Variants in HYOU1 observed in about 807,000 individuals in gnomAD.
The protein encoded by HYOU1 is hypoxia up-regulated protein 1.
HYOU1 carries 40 observed loss-of-function variants against 120.5 expected under a neutral mutation model. The ratio of observed to expected loss-of-function variants is 0.33; its 90% confidence interval spans 0.26 to 0.43. The LOEUF (loss-of-function observed/expected upper bound fraction) is 0.43. Among genes scored for constraint, HYOU1 ranks in the 20% least tolerant of loss-of-function variants. The probability of loss-of-function intolerance (pLI) is 1.00; values close to 1 mark genes in which losing one functional copy is unlikely to be tolerated. For missense variants in HYOU1, 1,085 were observed against 1,278.3 expected, an observed-to-expected ratio of 0.85 and a Z score of 2.31; for synonymous variants, 501 against 479.4, an observed-to-expected ratio of 1.05 and a Z score of -0.59.
At chr11:119,054,733 A>G (rs1276064597) in intron 6 of HYOU1, 58 bp from the exon 7 acceptor site, 3 of 1,524,290 alleles carry the variant, frequency 2.0e-6, no homozygotes, top group Non-Finnish European at 2.7e-6. Context: ...GAGGGCTTCT[A>G]ATCTGGTCAC....
At chr11:119,056,276 TAC>T (rs1944756127) in intron 1 of HYOU1, 109 bp from the exon 2 acceptor site, 1 of 801,198 alleles carries the variant, frequency 1.2e-6, no homozygotes, top group Admixed American at 2.0e-5. Context: ...ACTTCATTCT[TAC>T]CCAGGGCAGA....
In HYOU1 at chr11:119,044,831, C is replaced by A; in HGVS notation, c.*762G>T. ...CTTGCACGATGCTGGCACCCCATGC[C>A]AACCACTCTACGTGGCTTTCCTCTT... On this transcript the variant is annotated 3_prime_UTR_variant, in exon 26 of 26. Transcript: ENST00000617285. 8.0e-6 allele frequency: 2 copies of A among 249,580 alleles called. No individual in the cohort carries two copies. The highest frequency in any genetic ancestry group is 4.2e-5 in the Admixed American group (1 of 24,064). The allele number at this position is 249,580 out of a possible 1,614,324, so 15.5% of individuals were successfully genotyped here. A position where few individuals can be genotyped will look rare whatever the true frequency, so the allele number is the denominator to read the frequency against.
chr11:119,054,731 C>G, intron 6 of HYOU1, 56 bp from the exon 7 acceptor site: 1 of 1,536,212 alleles, frequency 6.5e-7, no homozygotes, highest in Non-Finnish European at 8.9e-7. Context: ...ATGAGGGCTT[C>G]TAATCTGGTC....
In HYOU1 at chr11:119,044,781, T is replaced by C; in HGVS notation, c.*812A>G. On this transcript the variant is annotated 3_prime_UTR_variant, in exon 26 of 26. Transcript: ENST00000617285. ...ACAGGAACCTGGGGTACCAGGCTGC[T>C]GGGAAGATGCAGATTATGACAGAGC... is the stretch of plus-strand genomic sequence containing the variant. 1 of 206,696 alleles carries C rather than the reference T, an allele frequency of 4.8e-6. No homozygotes were observed. Among genetic ancestry groups the C allele is most frequent in the South Asian group, 7.8e-5 (1 of 12,896 alleles). 12.8% of individuals were successfully genotyped at this position (206,696 alleles called of 1,614,324 possible). A position where few individuals can be genotyped will look rare whatever the true frequency, so the allele number is the denominator to read the frequency against.
chr11:119,050,362 G>A (rs190168028), intron 14 of HYOU1, among the ~76,000 whole-genome samples: 14 of 152,062 alleles, frequency 9.2e-5, no homozygotes, highest in African/African-American at 2.7e-4. Context: ...GCAAGATCAC[G>A]TCACTGTACT....
At chr11:119,054,439 C>T in intron 7 of HYOU1, 55 bp downstream of exon 7, 1 of 1,573,368 alleles carries the variant, frequency 6.4e-7, no homozygotes, top group South Asian at 1.1e-5. Context: ...ACCAAGTGGC[C>T]TCCATCCTTA....
rs1944464046 is a variant in HYOU1 at position 119,051,897 on chromosome 11, C to T, written c.1260G>A (p.Val420=). Residue 420 remains valine, a synonymous_variant, in exon 12 of 26, where the codon GTG becomes GTA. Coordinates refer to ENST00000617285, the MANE Select transcript of HYOU1 (RefSeq NM_006389.5). The surrounding 1 kb of genome is among the most constrained non-coding windows in gnomAD (Gnocchi z 4.2). ...CTTTGCTGAGCGCAGCTGCCTGGTA[C>T]ACTGCCCCCATGGCGGCTGCTTCAT... ...NADEAAAMGA[V]YQAAALSKAF... 1 of 1,614,082 alleles carries T rather than the reference C, an allele frequency of 6.2e-7. No individual in the cohort carries two copies. The highest frequency in any genetic ancestry group is 1.7e-5 in the Admixed American group (1 of 60,012).
Position 119,054,244 on chromosome 11 carries a change from G to A in HYOU1, c.679-8C>T, listed in dbSNP as rs781879612. ...GTCATAGAACATGATATTCTGTAGA[G>A]ATATCAAGGCAACTGTCACAGGAAC... is the stretch of plus-strand genomic sequence containing the variant. On this transcript the variant is annotated splice_polypyrimidine_tract_variant and splice_region_variant and intron_variant, in intron 7 of 25. Transcript: ENST00000617285. 1.9e-6 allele frequency: 3 copies of A among 1,594,856 alleles called. No homozygotes were observed. Among genetic ancestry groups the A allele is most frequent in the Non-Finnish European group, 1.7e-6 (2 of 1,162,868 alleles).
Position 119,048,295 on chromosome 11 carries a change from C to T in HYOU1, c.2329G>A (p.Ala777Thr), listed in dbSNP as rs113886063. ...TCATCCTCCAGCCAGGTGGATGCGG[C>T]GCTGAGCTTCCCAGAGATCTCCTCA... ...QREEISGKLSAASTWLEDEGV... is the reference protein window; with the variant it reads ...QREEISGKLSTASTWLEDEGV... The change falls in exon 20 of 26, where the codon GCC becomes ACC. Residue 777 changes from alanine to threonine, a missense_variant. This residue lies in a region of HYOU1 where 516 missense variants were observed against 517.1 expected (regional missense o/e 1.00). Coordinates refer to ENST00000617285, the MANE Select transcript of HYOU1 (RefSeq NM_006389.5). The surrounding 1 kb of genome is among the most constrained non-coding windows in gnomAD (Gnocchi z 4.7). 90 of 1,611,182 alleles carry T rather than the reference C, an allele frequency of 5.6e-5. No individual in the cohort carries two copies. Among genetic ancestry groups the T allele is most frequent in the Non-Finnish European group, 7.1e-5 (84 of 1,179,990 alleles).
Position 119,055,680 on chromosome 11 carries a change from T to C in HYOU1, c.185+70A>G, listed in dbSNP as rs782406815. ...ATGCCGAAGTCTGCTGTGGGCACTA[T>C]GACTAACACATTCACACTTGGAGCC... On this transcript the variant is annotated intron_variant, in intron 3 of 25. Transcript: ENST00000617285. This position sits in a 1 kb window ranked among gnomAD's most constrained non-coding sequence, Gnocchi z 4.0. 9.3e-6 allele frequency: 14 copies of C among 1,501,318 alleles called. No homozygotes were observed. The highest frequency in any genetic ancestry group is 1.3e-5 in the Non-Finnish European group (14 of 1,077,122). 93.0% of individuals were successfully genotyped at this position (1,501,318 alleles called of 1,614,324 possible). A position where few individuals can be genotyped will look rare whatever the true frequency, so the allele number is the denominator to read the frequency against.
At chr11:119,050,731 A>C (rs1944386772) in intron 14 of HYOU1, among the ~76,000 whole-genome samples, 1 of 32,404 alleles carries the variant, frequency 3.1e-5, no homozygotes, top group African/African-American at 1.2e-4. Context: ...AAAAAAAAAA[A>C]AAAAAAAAAA....
rs2133605707 is a variant in HYOU1, at chr11:119,054,542, G to A, written c.630C>T (p.Ala210=). 1.9e-6 allele frequency: 3 copies of A among 1,614,184 alleles called. No homozygotes were observed. Among genetic ancestry groups the A allele is most frequent in the Admixed American group, 1.7e-5 (1 of 60,028 alleles). Residue 210 remains alanine, a synonymous_variant, in exon 7 of 26, where the codon GCC becomes GCT. Transcript: ENST00000617285. ...TCCGGCGGAAGACACCATAGCTGAG[G>A]GCAGTGGCGGTGTTGTCATTGATGA... ...LQLINDNTAT[A]LSYGVFRRKD...
rs1356462524 is a variant in HYOU1, at chr11:119,045,544, A to C, written c.*49T>G. 6.8e-7 allele frequency: 1 copy of C among 1,466,518 alleles called. No individual in the cohort carries two copies. The highest frequency in any genetic ancestry group is 1.4e-5 in the African/African-American group (1 of 72,050). The allele number at this position is 1,466,518 out of a possible 1,614,324, so 90.8% of individuals were successfully genotyped here. On this transcript the variant is annotated 3_prime_UTR_variant, in exon 26 of 26. Coordinates refer to ENST00000617285, the MANE Select transcript of HYOU1 (RefSeq NM_006389.5). The stretch of plus-strand genomic sequence containing the variant: ...CAACCCTCGATGTTAAATAAATAGA[A>C]GTGGTGGGGGAAGGGGGTGGAGATG...
Position 119,045,532 on chromosome 11 carries a change from T to G in HYOU1, c.*61A>C, listed in dbSNP as rs1330664197. 2.8e-6 allele frequency: 4 copies of G among 1,424,002 alleles called. No homozygotes were observed. The highest frequency in any genetic ancestry group is 4.5e-5 in the East Asian group (2 of 44,068). The allele number at this position is 1,424,002 out of a possible 1,614,324, so 88.2% of individuals were successfully genotyped here. A position where few individuals can be genotyped will look rare whatever the true frequency, so the allele number is the denominator to read the frequency against. The stretch of plus-strand genomic sequence containing the variant: ...CAACCCCTCCCCCAACCCTCGATGT[T>G]AAATAAATAGAAGTGGTGGGGGAAG... On this transcript the variant is annotated 3_prime_UTR_variant, in exon 26 of 26. Transcript: ENST00000617285.
rs1943958182 is a variant in HYOU1, at chr11:119,044,449, G to A, written c.*1144C>T. On this transcript the variant is annotated 3_prime_UTR_variant, in exon 26 of 26. Transcript: ENST00000617285. The stretch of plus-strand genomic sequence containing the variant: ...AGCTGAGGCAGCAGCCCTAGCTCCT[G>A]CTACAGACGGAATACTGGAGGACGG... 1 of 152,514 alleles carries A rather than the reference G, an allele frequency of 6.6e-6. No individual in the cohort carries two copies. Among genetic ancestry groups the A allele is most frequent in the African/African-American group, 2.4e-5 (1 of 41,416 alleles). The allele number at this position is 152,514 out of a possible 1,614,324, so 9.4% of individuals were successfully genotyped here.
At position 119,048,122 on chromosome 11, in the gene HYOU1, AGCAGAGCC is replaced by A. The variant is rs2134682477; in HGVS notation, c.2377-50_2377-43del. 6.2e-7 allele frequency: 1 copy of A among 1,613,098 alleles called. No individual in the cohort carries two copies. The highest frequency in any genetic ancestry group is 2.2e-5 in the East Asian group (1 of 44,882). On this transcript the variant is annotated intron_variant, in intron 20 of 25. Coordinates refer to ENST00000617285, the MANE Select transcript of HYOU1 (RefSeq NM_006389.5). This position sits in a 1 kb window ranked among gnomAD's most constrained non-coding sequence, Gnocchi z 4.7. ...TGGGCAGAGGGGTGGAAGGGACGAC[AGCAGAGCC>A]TGGAGTCAGCCCCATGTCCTTCTTT...
Position 119,048,404 on chromosome 11 carries a change from C to A in HYOU1, c.2254-34G>T. The A allele has an allele frequency of 6.2e-7, 1 of 1,610,876 alleles. No homozygotes were observed. The highest frequency in any genetic ancestry group is 8.5e-7 in the Non-Finnish European group (1 of 1,179,536). On this transcript the variant is annotated intron_variant, in intron 19 of 25. Transcript: ENST00000617285. This position sits in a 1 kb window ranked among gnomAD's most constrained non-coding sequence, Gnocchi z 4.7. The stretch of plus-strand genomic sequence containing the variant: ...GGGGACATGTAAACACATGCACCCA[C>A]AAGCCCAGAGGCAAGGCCCACAGAG...
Position 119,044,887 on chromosome 11 carries a change from T to C in HYOU1, c.*706A>G, listed in dbSNP as rs1943978803. ...AGGTGGTGGGCTCCCTTCTTCACTG[T>C]GCCCCTCCCTCCTCTGGCCACTAGG... On this transcript the variant is annotated 3_prime_UTR_variant, in exon 26 of 26. Coordinates refer to ENST00000617285, the MANE Select transcript of HYOU1 (RefSeq NM_006389.5). 1 of 299,110 alleles carries C rather than the reference T, an allele frequency of 3.3e-6. No individual in the cohort carries two copies. The allele number at this position is 299,110 out of a possible 1,614,324, so 18.5% of individuals were successfully genotyped here. A position where few individuals can be genotyped will look rare whatever the true frequency, so the allele number is the denominator to read the frequency against.
chr11:119,052,643 C>A lies in HYOU1; in HGVS notation c.981G>T (p.Met327Ile). 6.2e-7 allele frequency: 1 copy of A among 1,611,640 alleles called. No homozygotes were observed. Among genetic ancestry groups the A allele is most frequent in the Non-Finnish European group, 8.5e-7 (1 of 1,178,496 alleles). Residue 327 changes from methionine (M) to isoleucine (I), a missense_variant, in exon 9 of 26, where the codon ATG becomes ATT. By Grantham distance (10) the Met-to-Ile change is conservative. Coordinates refer to ENST00000617285, the MANE Select transcript of HYOU1 (RefSeq NM_006389.5). This position sits in a 1 kb window ranked among gnomAD's most constrained non-coding sequence, Gnocchi z 5.0. ...ACCAGCCACTTGTGGGCACCTGTGCCATGTGGTCAGCGTTGGCACTGAGGA... is the reference window on the plus strand; with the variant it reads ...ACCAGCCACTTGTGGGCACCTGTGCAATGTGGTCAGCGTTGGCACTGAGGA... ...KTVLSANADH[M>I]AQIEGLMDDV...
Sources: allele counts gnomAD v4.1 joint callset (sites outside exome capture counted in the v4.1 genomes callset), GRCh38; gene constraint gnomAD v4.1.1; regional missense constraint gnomAD v4.1.1; non-coding constraint Gnocchi (gnomAD v3.1); transcripts MANE v1.5; gene names NCBI Gene and HGNC (gene_info 2026-07-23, HGNC 2026-07-21).